Variants in SPON1 observed in about 807,000 individuals in gnomAD.
SPON1 encodes the protein spondin 1, also known as spondin-1.
SPON1 carries 52 observed loss-of-function variants against 111.7 expected under a neutral mutation model. The observed-to-expected ratio is 0.47, with a 90% CI of 0.37 to 0.59. The LOEUF is 0.59. Among genes scored for constraint, SPON1 ranks in the 20% least tolerant of loss-of-function variants. SPON1 has a pLI of 0.00. For synonymous variants in SPON1, 410 were observed against 395.8 expected (o/e 1.04, Z -0.43); for missense variants, 957 against 1,068.5 (o/e 0.90, Z 1.46).
rs1256377303 is a variant in SPON1, at chr11:14,266,699, TAA to T, written c.*1014_*1015del. ...TCAACAAAATACAATCTCTGTACTT[TAA>T]AGTTATTTTAGTCATGAAATTTTAT... On this transcript the variant is annotated 3_prime_UTR_variant, in exon 16 of 16. Coordinates refer to ENST00000576479, the MANE Select transcript of SPON1 (RefSeq NM_006108.4). 6.6e-6 allele frequency: 1 copy of T among 152,214 alleles called. No homozygotes were observed. The highest frequency in any genetic ancestry group is 1.5e-5 in the Non-Finnish European group (1 of 68,034). 9.4% of individuals were successfully genotyped at this position (152,214 alleles called of 1,614,324 possible).
At chr11:14,045,868 A>G (rs1554917781) in intron 3 of SPON1, among the ~76,000 whole-genome samples, 2 of 152,000 alleles carry the variant, frequency 1.3e-5, no homozygotes, top group African/African-American at 2.4e-5. Context: ...TTATGTAATC[A>G]AATGTATCCA....
chr11:14,157,511 A>G (rs1319022631), intron 6 of SPON1, among the ~76,000 whole-genome samples: 1 of 152,038 alleles, frequency 6.6e-6, no homozygotes, highest in Admixed American at 6.6e-5. Flanking sequence ...GGTAGGCATG[A>G]CTTTATTTAT....
At chr11:14,122,643 C>T (rs577204937) in intron 5 of SPON1, among the ~76,000 whole-genome samples, 18 of 152,028 alleles carry the variant, frequency 1.2e-4, no homozygotes, top group Non-Finnish European at 2.2e-4. Flanking sequence ...ATCACCCTAT[C>T]TTTTAGTTCA....
At chr11:14,089,822 C>A (rs1047232640) in intron 5 of SPON1, among the ~76,000 whole-genome samples, 1 of 152,182 alleles carries the variant, frequency 6.6e-6, no homozygotes, top group Non-Finnish European at 1.5e-5. Context: ...ACTGGGCCTG[C>A]CGCCTTTCTT....
At chr11:14,103,797 A>G (rs1022393129) in intron 5 of SPON1, among the ~76,000 whole-genome samples, 4 of 152,120 alleles carry the variant, frequency 2.6e-5, no homozygotes, top group Non-Finnish European at 5.9e-5. Flanking sequence ...GGCAATACCT[A>G]CCCTTTCTGC....
chr11:14,168,338 A>G (rs1848055391), intron 6 of SPON1, among the ~76,000 whole-genome samples: 1 of 152,228 alleles, frequency 6.6e-6, no homozygotes, highest in African/African-American at 2.4e-5. Context: ...AAAGATTACT[A>G]AAGTCACGTG....
Position 14,114,690 on chromosome 11 carries a change from CA to C in SPON1, c.677-20728del. 1.3e-5 allele frequency among the ~76,000 whole-genome samples: 2 copies of C among 152,160 alleles called. 1 individual carries two copies. Among genetic ancestry groups the C allele is most frequent in the Non-Finnish European group, 2.9e-5 (2 of 68,028 alleles). ...CCCCACTGCCTCAGAAAGCCGTTTCCAATTCCCCAGTCTGTATTGGCGGCCC... is the reference window on the plus strand; with the variant it reads ...CCCCACTGCCTCAGAAAGCCGTTTCCATTCCCCAGTCTGTATTGGCGGCCC... On this transcript the variant is annotated intron_variant, in intron 5 of 15. Transcript: ENST00000576479.
At chr11:14,004,655 G>T (rs1483840914) in intron 2 of SPON1, among the ~76,000 whole-genome samples, 1 of 152,078 alleles carries the variant, frequency 6.6e-6, no homozygotes, top group Non-Finnish European at 1.5e-5. Context: ...GTCTGTTCAG[G>T]TTATTTGCCC....
chr11:14,254,680 A>G lies in SPON1; in HGVS notation c.1043A>G (p.Gln348Arg). 2 of 1,614,028 alleles carry G rather than the reference A, an allele frequency of 1.2e-6. No homozygotes were observed. The highest frequency in any genetic ancestry group is 4.5e-5 in the East Asian group (2 of 44,880). Residue 348 changes from glutamine (Q) to arginine (R), a missense_variant, in exon 8 of 16, where the codon CAA becomes CGA. Around this residue, in one of 5 missense-constraint regions of SPON1, gnomAD observed 19 missense variants for 47.5 expected, o/e 0.40. Coordinates refer to ENST00000576479, the MANE Select transcript of SPON1 (RefSeq NM_006108.4). Reference sequence around the variant, plus strand: ...TGTGGCTGGGTCCAGAAGGTGGTGCAAGACCTGATTCCCTGGGACGCTGGC... The same window carrying G: ...TGTGGCTGGGTCCAGAAGGTGGTGCGAGACCTGATTCCCTGGGACGCTGGC... ...KECGWVQKVV[Q>R]DLIPWDAGTD...
intron 5 of SPON1, among the ~76,000 whole-genome samples, chr11:14,131,385 C>G (rs1445407389): frequency 6.6e-6 from 1 of 152,142 alleles, no homozygotes; most frequent in African/African-American, 2.4e-5. Context: ...CATCCTAACA[C>G]CTATTAGATG....
chr11:14,045,537 C>CA lies in SPON1; in HGVS notation c.479+3884dup, dbSNP rs199635412. Among the ~76,000 whole-genome samples the CA allele has an allele frequency of 3.8e-3, 574 of 151,786 alleles. 3 individuals are homozygous for CA. Among genetic ancestry groups the CA allele is most frequent in the African/African-American group, 0.013 (525 of 41,422 alleles). On this transcript the variant is annotated intron_variant, in intron 3 of 15. Coordinates refer to ENST00000576479, the MANE Select transcript of SPON1 (RefSeq NM_006108.4). ...AGGTTGCAGTTAGCTGAGATCCTGC[C>CA]ACTGCCATTCAGTCTGGGGGACAGA... is the stretch of plus-strand genomic sequence containing the variant.
intron 3 of SPON1, among the ~76,000 whole-genome samples, chr11:14,072,450 G>T (rs1426385210): frequency 6.6e-6 from 1 of 151,964 alleles, no homozygotes; most frequent in East Asian, 1.9e-4. Context: ...CCTATTTACA[G>T]TAGGAGGAAG....
intron 6 of SPON1, among the ~76,000 whole-genome samples, chr11:14,215,104 G>A (rs782188334): frequency 1.3e-5 from 2 of 151,868 alleles, no homozygotes; most frequent in Non-Finnish European, 2.9e-5. Flanking sequence ...GGCTGGAGTG[G>A]CTATTCACAA....
intron 6 of SPON1, among the ~76,000 whole-genome samples, chr11:14,230,235 C>A (rs571382340): frequency 6.6e-6 from 1 of 152,170 alleles, no homozygotes; most frequent in Non-Finnish European, 1.5e-5. Context: ...ACTTCTCCCC[C>A]ATTCGGGTCA....
chr11:14,004,156 CACACACACACACAT>C (rs1281953747), intron 2 of SPON1, among the ~76,000 whole-genome samples: 3 of 151,646 alleles, frequency 2.0e-5, no homozygotes, highest in Non-Finnish European at 4.4e-5. Flanking sequence ...CACACACAGA[CACACACACACACAT>C]ACACACACAC....
intron 6 of SPON1, among the ~76,000 whole-genome samples, chr11:14,185,825 A>G (rs1263249493): frequency 6.6e-6 from 1 of 152,230 alleles, no homozygotes; most frequent in African/African-American, 2.4e-5. Flanking sequence ...ACTTCCTTAT[A>G]TCAGAACTGA....
In SPON1 at chr11:14,254,592, A is replaced by G; in HGVS notation, c.955A>G (p.Met319Val). The G allele has an allele frequency of 6.2e-7, 1 of 1,613,876 alleles. No homozygotes were observed. Among genetic ancestry groups the G allele is most frequent in the Non-Finnish European group, 8.5e-7 (1 of 1,179,852 alleles). ...GCGCCATTTAATGTCCTTCCTGACC[A>G]TGATGGGCCCTAGTCCCGACTGGAA... ...RTRHLMSFLTMMGPSPDWNVG... is the reference protein window; with the variant it reads ...RTRHLMSFLTVMGPSPDWNVG... The change falls in exon 8 of 16, where the codon ATG becomes GTG. Residue 319 changes from methionine to valine, a missense_variant. Coordinates refer to ENST00000576479, the MANE Select transcript of SPON1 (RefSeq NM_006108.4).
rs1847933817 is a variant in SPON1, at chr11:14,160,913, ATATT to A, written c.825+25349_825+25352del. 6.1e-5 allele frequency among the ~76,000 whole-genome samples: 3 copies of A among 49,044 alleles called. No individual in the cohort carries two copies. In the South Asian group the frequency reaches 2.3e-3, roughly 38 times the overall value. 32.2% of individuals were successfully genotyped at this position (49,044 alleles called of 152,430 possible). A position where few individuals can be genotyped will look rare whatever the true frequency, so the allele number is the denominator to read the frequency against. On this transcript the variant is annotated intron_variant, in intron 6 of 15. Coordinates refer to ENST00000576479, the MANE Select transcript of SPON1 (RefSeq NM_006108.4). Reference sequence around the variant, plus strand: ...TATATATATTTATATATTTATATATATATTTATATATTTATATATTTATATATAT... The same window carrying A: ...TATATATATTTATATATTTATATATATATATATTTATATATTTATATATAT...
At chr11:14,090,527 C>G (rs1466775978) in intron 5 of SPON1, among the ~76,000 whole-genome samples, 1 of 151,952 alleles carries the variant, frequency 6.6e-6, no homozygotes, top group East Asian at 1.9e-4. Flanking sequence ...CTGGTGGGTT[C>G]GTGGTCTCAT....
Sources: gnomAD v4.1 joint callset for allele counts (sites outside exome capture counted in the v4.1 genomes callset) on GRCh38, gnomAD v4.1.1 for gene constraint, gnomAD v4.1.1 regional missense constraint, MANE v1.5 for transcripts, NCBI Gene and HGNC (gene_info 2026-07-23, HGNC 2026-07-21) for gene names.